Variants in DPP10 observed in about 807,000 individuals in gnomAD.
DPP10 encodes dipeptidyl peptidase like 10.
In DPP10, 33 loss-of-function variants were observed where a neutral mutation model predicts 120.9. The observed-to-expected ratio is 0.27, with a 90% CI of 0.21 to 0.37. DPP10 has a LOEUF of 0.37. Among genes scored for constraint, DPP10 ranks in the 10% least tolerant of loss-of-function variants. The probability of loss-of-function intolerance (pLI) is 1.00; values close to 1 mark genes in which losing one functional copy is unlikely to be tolerated. For missense variants in DPP10, 816 were observed against 942.8 expected (o/e 0.87, Z 1.76); for synonymous variants, 337 against 326.1 (o/e 1.03, Z -0.36).
At chr2:114,763,064 G>A (rs1157498633) in intron 1 of DPP10, among the ~76,000 whole-genome samples, 1 of 152,118 alleles carries the variant, frequency 6.6e-6, no homozygotes, top group Non-Finnish European at 1.5e-5. Flanking sequence ...TTCTAGGTGA[G>A]GATAAATTTT....
At chr2:114,533,919 T>C (rs1686265718) in intron 1 of DPP10, among the ~76,000 whole-genome samples, 1 of 152,210 alleles carries the variant, frequency 6.6e-6, no homozygotes, top group African/African-American at 2.4e-5. Context: ...CTAAAAACTC[T>C]TGTCATTCAC....
At chr2:115,839,500 C>G (rs1470368377) in intron 24 of DPP10, among the ~76,000 whole-genome samples, 3 of 147,938 alleles carry the variant, frequency 2.0e-5, no homozygotes, top group African/African-American at 5.3e-5. Context: ...ATGGTGAAAC[C>G]CCGTCTCTAC....
chr2:115,109,135 A>T (rs1484180163), intron 1 of DPP10, among the ~76,000 whole-genome samples: 1 of 152,206 alleles, frequency 6.6e-6, no homozygotes, highest in East Asian at 1.9e-4. Flanking sequence ...ATCTTACTCA[A>T]GTCATCTGGG....
At chr2:114,633,754 AGGTGC>A (rs1695119492) in intron 1 of DPP10, among the ~76,000 whole-genome samples, 1 of 151,666 alleles carries the variant, frequency 6.6e-6, no homozygotes, top group African/African-American at 2.4e-5. Context: ...GCTGGATTAC[AGGTGC>A]ACACCACCAT....
intron 5 of DPP10, among the ~76,000 whole-genome samples, chr2:115,647,640 A>G (rs2087381873): frequency 6.6e-6 from 1 of 152,174 alleles, no homozygotes; most frequent in South Asian, 2.1e-4. Context: ...GGTAATTTAT[A>G]TAAAACAGAA....
intron 3 of DPP10, among the ~76,000 whole-genome samples, chr2:115,472,362 C>G (rs1245925395): frequency 6.6e-6 from 1 of 152,016 alleles, no homozygotes; most frequent in Non-Finnish European, 1.5e-5. Flanking sequence ...AAATGCTATG[C>G]AATTTTTAAA....
chr2:115,484,975 G>A (rs1272225289), intron 3 of DPP10, among the ~76,000 whole-genome samples: 1 of 152,050 alleles, frequency 6.6e-6, no homozygotes, highest in Non-Finnish European at 1.5e-5. Flanking sequence ...GGAGGCTGAG[G>A]CAGGAGAATC....
intron 1 of DPP10, among the ~76,000 whole-genome samples, chr2:115,062,148 G>GTT (rs1706463511): frequency 6.6e-6 from 1 of 150,952 alleles, no homozygotes; most frequent in African/African-American, 2.4e-5. Context: ...GTGTGTGTGT[G>GTT]TGTGTGTGTG....
At chr2:114,701,230 T>C (rs766114719) in intron 1 of DPP10, among the ~76,000 whole-genome samples, 64 of 152,174 alleles carry the variant, frequency 4.2e-4, no homozygotes, top group Non-Finnish European at 7.8e-4. Context: ...CCAGGTGCCA[T>C]GCTTAATGCT....
chr2:115,203,397 G>T (rs1482994377), intron 1 of DPP10, among the ~76,000 whole-genome samples: 1 of 152,144 alleles, frequency 6.6e-6, no homozygotes, highest in Non-Finnish European at 1.5e-5. Context: ...GAGATGGGAA[G>T]ATGTTAGATA....
At chr2:114,537,125 T>C (rs1325800409) in intron 1 of DPP10, among the ~76,000 whole-genome samples, 22 of 152,204 alleles carry the variant, frequency 1.4e-4, no homozygotes, top group Admixed American at 1.4e-3. Context: ...CTGTACCACA[T>C]GCCTTTAGGA....
chr2:114,837,447 A>T (rs542539070), intron 1 of DPP10, among the ~76,000 whole-genome samples: 1 of 152,150 alleles, frequency 6.6e-6, no homozygotes, highest in Non-Finnish European at 1.5e-5. Flanking sequence ...AACAGTTAGC[A>T]GTGTCATGGA....
At chr2:114,759,507 C>G (rs569197050) in intron 1 of DPP10, among the ~76,000 whole-genome samples, 5 of 151,434 alleles carry the variant, frequency 3.3e-5, no homozygotes, top group African/African-American at 1.2e-4. Context: ...TTTTATCTTC[C>G]CCTCCTGCTG....
intron 3 of DPP10, among the ~76,000 whole-genome samples, chr2:115,351,902 TA>T (rs1055967826): frequency 2.0e-5 from 3 of 152,210 alleles, no homozygotes; most frequent in South Asian, 4.1e-4. Context: ...ATATCTACTA[TA>T]AAAAATCATA....
At chr2:114,582,646 A>G (rs1057306060) in intron 1 of DPP10, among the ~76,000 whole-genome samples, 2 of 152,184 alleles carry the variant, frequency 1.3e-5, no homozygotes, top group Non-Finnish European at 2.9e-5. Flanking sequence ...GTGCGTATGT[A>G]GTAGTATCTC....
chr2:115,100,572 ATG>A (rs1194138078), intron 1 of DPP10, among the ~76,000 whole-genome samples: 19 of 151,000 alleles, frequency 1.3e-4, no homozygotes, highest in African/African-American at 2.2e-4. Context: ...GTGTGTGTGT[ATG>A]TGTGTGTGTG....
At chr2:114,668,257 G>A (rs1238113061) in intron 1 of DPP10, among the ~76,000 whole-genome samples, 1 of 152,140 alleles carries the variant, frequency 6.6e-6, no homozygotes, top group Non-Finnish European at 1.5e-5. Flanking sequence ...GGGGAGGCTG[G>A]CAGTGGAGGA....
At chr2:115,040,460 G>A (rs1704551953) in intron 1 of DPP10, among the ~76,000 whole-genome samples, 1 of 151,924 alleles carries the variant, frequency 6.6e-6, no homozygotes, top group African/African-American at 2.4e-5. Flanking sequence ...AGAGTAAACA[G>A]TCACAATTTG....
At chr2:114,606,068 A>G (rs1692765771) in intron 1 of DPP10, among the ~76,000 whole-genome samples, 1 of 152,142 alleles carries the variant, frequency 6.6e-6, no homozygotes, top group African/African-American at 2.4e-5. Context: ...TAGTTTTATA[A>G]AGACATCCCA....
Sources: allele counts gnomAD v4.1 joint callset (sites outside exome capture counted in the v4.1 genomes callset), GRCh38; gene constraint gnomAD v4.1.1; transcripts MANE v1.5; gene names NCBI Gene and HGNC (gene_info 2026-07-23, HGNC 2026-07-21).